Variants in LRRTM4 observed in about 807,000 individuals in gnomAD.
The protein encoded by LRRTM4 is leucine rich repeat transmembrane neuronal 4.
In LRRTM4, 25 loss-of-function variants were observed where a neutral mutation model predicts 47.6. The ratio of observed to expected loss-of-function variants is 0.53; its 90% CI spans 0.38 to 0.73. LRRTM4 has a LOEUF of 0.73. LRRTM4 is among the 30% of genes least tolerant of loss of function. The pLI, the probability that LRRTM4 is intolerant of heterozygous loss-of-function variation, is 0.00. For missense variants in LRRTM4, 638 were observed against 713.4 expected (o/e 0.89, Z 1.20); for synonymous variants, 311 against 269.5 (o/e 1.15, Z -1.51).
intron 3 of LRRTM4, among the ~76,000 whole-genome samples, chr2:77,115,159 A>G (rs1671354978): frequency 6.6e-6 from 1 of 152,140 alleles, no homozygotes; most frequent in Non-Finnish European, 1.5e-5. Context: ...TTGCTGGGAA[A>G]AGAATTCAGT....
chr2:77,289,833 T>C (rs939383258), intron 3 of LRRTM4, among the ~76,000 whole-genome samples: 7 of 152,024 alleles, frequency 4.6e-5, no homozygotes, highest in East Asian at 1.9e-4. Context: ...ATTTAATCTA[T>C]TTTACTGCCC....
At chr2:77,002,116 C>G (rs1202882754) in intron 3 of LRRTM4, among the ~76,000 whole-genome samples, 3 of 152,156 alleles carry the variant, frequency 2.0e-5, no homozygotes, top group African/African-American at 7.2e-5. Flanking sequence ...ATGTCACACT[C>G]TGTATTATTC....
chr2:77,522,114 A>T lies in LRRTM4; in HGVS notation c.-153T>A, dbSNP rs1458131251. Reference sequence around the variant, plus strand: ...AAAGAAAATCTTCAGAATACCTGGCATTCCTTATTGTGCTGGCTTTTGCCA... The same window carrying T: ...AAAGAAAATCTTCAGAATACCTGGCTTTCCTTATTGTGCTGGCTTTTGCCA... On this transcript the variant is annotated 5_prime_UTR_variant, in exon 1 of 4. It removes an upstream start codon present in the reference 5' UTR. Transcript: ENST00000409884. The T allele has an allele frequency of 1.4e-6, 1 of 716,254 alleles. No homozygotes were observed. The highest frequency in any genetic ancestry group is 2.6e-6 in the Non-Finnish European group (1 of 384,294). The allele number at this position is 716,254 out of a possible 1,614,324, so 44.4% of individuals were successfully genotyped here.
intron 3 of LRRTM4, among the ~76,000 whole-genome samples, chr2:76,756,867 T>C (rs922827323): frequency 2.6e-5 from 4 of 152,144 alleles, no homozygotes; most frequent in African/African-American, 9.7e-5. Context: ...CAATTTAAAA[T>C]GTATTCTCAT....
chr2:76,984,456 CCT>C (rs1216638822), intron 3 of LRRTM4, among the ~76,000 whole-genome samples: 13 of 151,952 alleles, frequency 8.6e-5, no homozygotes, highest in African/African-American at 2.9e-4. Context: ...TCCAAAATTC[CCT>C]GTTTCTTAGC....
intron 3 of LRRTM4, among the ~76,000 whole-genome samples, chr2:77,096,927 T>C (rs1670828013): frequency 6.6e-6 from 1 of 151,870 alleles, no homozygotes; most frequent in Non-Finnish European, 1.5e-5. Context: ...AATTGTCATT[T>C]TTCAAGCTCC....
intron 3 of LRRTM4, among the ~76,000 whole-genome samples, chr2:77,255,453 C>G (rs1675739335): frequency 6.6e-6 from 1 of 151,950 alleles, no homozygotes; most frequent in Non-Finnish European, 1.5e-5. Flanking sequence ...CTCTACCCAT[C>G]AACAGGAGAT....
intron 3 of LRRTM4, among the ~76,000 whole-genome samples, chr2:77,440,125 G>A (rs148731932): frequency 6.6e-6 from 1 of 151,924 alleles, no homozygotes; most frequent in East Asian, 1.9e-4. Flanking sequence ...ATTAAAAACC[G>A]TGTGTGAGGC....
chr2:77,091,697 C>A (rs199682922), intron 3 of LRRTM4, among the ~76,000 whole-genome samples: 13,969 of 130,614 alleles, frequency 0.11, 23 homozygotes, highest in African/African-American at 0.26. Flanking sequence ...GACCCTGACA[C>A]CCATCAAGCT....
intron 3 of LRRTM4, among the ~76,000 whole-genome samples, chr2:77,444,940 CACACACACAT>C (rs1172632596): frequency 5.9e-5 from 7 of 118,794 alleles, no homozygotes; most frequent in South Asian, 3.2e-4. Flanking sequence ...TTTACACACA[CACACACACAT>C]ACACACACAC....
At chr2:77,055,006 T>G (rs1679555658) in intron 3 of LRRTM4, among the ~76,000 whole-genome samples, 1 of 152,222 alleles carries the variant, frequency 6.6e-6, no homozygotes, top group African/African-American at 2.4e-5. Flanking sequence ...CATTTATTCC[T>G]GCTCCAATGG....
intron 3 of LRRTM4, among the ~76,000 whole-genome samples, chr2:77,153,718 G>T (rs766946232): frequency 5.3e-5 from 8 of 152,064 alleles, no homozygotes; most frequent in Non-Finnish European, 1.2e-4. Context: ...AATGCTTTTA[G>T]ATTTTTACCT....
At chr2:76,809,935 C>A (rs1670683139) in intron 3 of LRRTM4, among the ~76,000 whole-genome samples, 1 of 152,142 alleles carries the variant, frequency 6.6e-6, no homozygotes, top group African/African-American at 2.4e-5. Context: ...CCTATTCAAA[C>A]CTCATAGACT....
intron 3 of LRRTM4, among the ~76,000 whole-genome samples, chr2:76,787,847 CTTTAGGCAAA>C (rs1674762912): frequency 6.6e-6 from 1 of 152,166 alleles, no homozygotes; most frequent in South Asian, 2.1e-4. Flanking sequence ...CTCACCAGTC[CTTTAGGCAAA>C]TTTGTGCTCC....
intron 3 of LRRTM4, among the ~76,000 whole-genome samples, chr2:76,965,274 T>C (rs1319603849): frequency 6.6e-6 from 1 of 151,226 alleles, no homozygotes; most frequent in African/African-American, 2.4e-5. Context: ...CCAATCTCTC[T>C]CATGAACACA....
At chr2:77,276,521 T>C (rs979152339) in intron 3 of LRRTM4, among the ~76,000 whole-genome samples, 2 of 150,590 alleles carry the variant, frequency 1.3e-5, no homozygotes, top group African/African-American at 4.9e-5. Context: ...TATATGTGTG[T>C]ATATAGATAT....
chr2:76,862,632 C>T (rs762854067), intron 3 of LRRTM4, among the ~76,000 whole-genome samples: 11 of 152,176 alleles, frequency 7.2e-5, no homozygotes, highest in Non-Finnish European at 1.5e-4. Flanking sequence ...CTCACACACG[C>T]GTGCGCGCGC....
chr2:77,391,292 G>A (rs1481320052), intron 3 of LRRTM4, among the ~76,000 whole-genome samples: 2 of 151,918 alleles, frequency 1.3e-5, no homozygotes, highest in Non-Finnish European at 2.9e-5. Flanking sequence ...TCTCTGGAAG[G>A]GCACTTGGGA....
At chr2:76,888,446 A>G (rs192300855) in intron 3 of LRRTM4, among the ~76,000 whole-genome samples, 36 of 151,682 alleles carry the variant, frequency 2.4e-4, no homozygotes, top group Non-Finnish European at 2.5e-4. Context: ...GTTATTCTCT[A>G]TTGATGGTAA....
Sources: allele counts gnomAD v4.1 joint callset (sites outside exome capture counted in the v4.1 genomes callset), GRCh38; gene constraint gnomAD v4.1.1; transcripts MANE v1.5; gene names NCBI Gene and HGNC (gene_info 2026-07-23, HGNC 2026-07-21).